Variants in GALNTL6 observed in about 807,000 individuals in gnomAD.
GALNTL6 encodes polypeptide N-acetylgalactosaminyltransferase like 6.
GALNTL6 carries 46 observed loss-of-function variants against 73.7 expected under a neutral mutation model. That is an observed-to-expected ratio of 0.62 (90% CI 0.49 to 0.80). GALNTL6 has a LOEUF of 0.80. Among genes scored for constraint, GALNTL6 ranks in the 30% least tolerant of loss-of-function variants. GALNTL6 has a pLI of 0.00. For synonymous variants in GALNTL6, 259 were observed against 263.7 expected, an observed-to-expected ratio of 0.98 and a Z score of 0.17; for missense variants, 604 against 755.0, an observed-to-expected ratio of 0.80 and a Z score of 2.34.
chr4:172,696,200 A>T (rs1444051404), intron 5 of GALNTL6, among the ~76,000 whole-genome samples: 1 of 152,134 alleles, frequency 6.6e-6, no homozygotes, highest in African/African-American at 2.4e-5. Flanking sequence ...CTATAGTGCA[A>T]GACTTGATCC....
At chr4:172,182,500 T>G (rs1256409965) in intron 2 of GALNTL6, among the ~76,000 whole-genome samples, 1 of 140,084 alleles carries the variant, frequency 7.1e-6, no homozygotes, top group Non-Finnish European at 1.5e-5. Flanking sequence ...TATATTTAAA[T>G]AAATATTTTA....
chr4:172,758,483 C>T (rs1737881420), intron 5 of GALNTL6, among the ~76,000 whole-genome samples: 1 of 152,178 alleles, frequency 6.6e-6, no homozygotes, highest in Non-Finnish European at 1.5e-5. Flanking sequence ...TTTCAGTGAT[C>T]AGAGATCACG....
chr4:171,924,483 T>A (rs768391114), intron 2 of GALNTL6, among the ~76,000 whole-genome samples: 10 of 152,144 alleles, frequency 6.6e-5, no homozygotes, highest in Non-Finnish European at 1.3e-4. Flanking sequence ...GATGGACTAT[T>A]TAGAGTATTT....
At chr4:172,778,953 T>C (rs113101107) in intron 5 of GALNTL6, among the ~76,000 whole-genome samples, 2 of 146,580 alleles carry the variant, frequency 1.4e-5, no homozygotes, top group Admixed American at 6.8e-5. Flanking sequence ...GCTGCTTTTC[T>C]TTTTTACTAC....
chr4:172,722,849 A>G (rs1290206262), intron 5 of GALNTL6, among the ~76,000 whole-genome samples: 1 of 152,190 alleles, frequency 6.6e-6, no homozygotes. Context: ...CAGTTTCTGC[A>G]TAAGTTTTCT....
chr4:172,951,826 A>G (rs1287516052), intron 9 of GALNTL6, among the ~76,000 whole-genome samples: 2 of 152,248 alleles, frequency 1.3e-5, no homozygotes, highest in African/African-American at 4.8e-5. Flanking sequence ...ATTGAACCCC[A>G]TGCCAGAAGT....
At chr4:171,978,328 G>A (rs1260204310) in intron 2 of GALNTL6, among the ~76,000 whole-genome samples, 3 of 152,142 alleles carry the variant, frequency 2.0e-5, no homozygotes, top group Non-Finnish European at 4.4e-5. Context: ...AGTAAATTCT[G>A]TGATGTTCTC....
At chr4:172,687,657 T>G (rs1055221460) in intron 5 of GALNTL6, among the ~76,000 whole-genome samples, 1 of 151,412 alleles carries the variant, frequency 6.6e-6, no homozygotes, top group African/African-American at 2.4e-5. Flanking sequence ...TTCTTGAAGC[T>G]ACTGAACCTT....
chr4:172,036,594 A>C (rs1258515900), intron 2 of GALNTL6, among the ~76,000 whole-genome samples: 1 of 152,138 alleles, frequency 6.6e-6, no homozygotes, highest in Non-Finnish European at 1.5e-5. Flanking sequence ...TATTAGTTCA[A>C]TTAATTTCAG....
At chr4:172,487,856 C>G (rs921175775) in intron 5 of GALNTL6, among the ~76,000 whole-genome samples, 14 of 152,128 alleles carry the variant, frequency 9.2e-5, no homozygotes, top group Non-Finnish European at 1.3e-4. Context: ...TGTCTCAACC[C>G]TACATGATCA....
intron 2 of GALNTL6, among the ~76,000 whole-genome samples, chr4:171,823,352 C>A (rs1734733753): frequency 6.6e-6 from 1 of 151,870 alleles, no homozygotes; most frequent in Non-Finnish European, 1.5e-5. Context: ...AGGGGACAGT[C>A]CCAAGGAGAA....
chr4:172,898,733 A>T (rs1053233902), intron 8 of GALNTL6, among the ~76,000 whole-genome samples: 5 of 152,246 alleles, frequency 3.3e-5, no homozygotes. Context: ...TTAAACTGTA[A>T]CAGCTATATT....
intron 5 of GALNTL6, among the ~76,000 whole-genome samples, chr4:172,384,419 T>A (rs1288145537): frequency 6.6e-6 from 1 of 151,870 alleles, no homozygotes; most frequent in Non-Finnish European, 1.5e-5. Context: ...CCCTCTTAAT[T>A]TTTTTTTAAA....
chr4:172,691,069 G>A (rs1733253586), intron 5 of GALNTL6, among the ~76,000 whole-genome samples: 1 of 152,186 alleles, frequency 6.6e-6, no homozygotes, highest in South Asian at 2.1e-4. Flanking sequence ...TCAGGAACTG[G>A]AAGATCAGTG....
At chr4:172,110,727 G>T (rs924921326) in intron 2 of GALNTL6, among the ~76,000 whole-genome samples, 1 of 152,060 alleles carries the variant, frequency 6.6e-6, no homozygotes, top group African/African-American at 2.4e-5. Context: ...CACATGTTTT[G>T]CTGATTGCTG....
intron 2 of GALNTL6, among the ~76,000 whole-genome samples, chr4:171,832,325 A>T (rs1462652210): frequency 2.0e-5 from 3 of 151,360 alleles, no homozygotes; most frequent in Non-Finnish European, 4.4e-5. Flanking sequence ...CAAACTTTAA[A>T]TTGGGCAGGA....
chr4:172,183,795 T>A (rs1735332950), intron 2 of GALNTL6, among the ~76,000 whole-genome samples: 1 of 34,418 alleles, frequency 2.9e-5, no homozygotes, highest in East Asian at 5.0e-3. Flanking sequence ...TGTTGAAGAC[T>A]TTTTTTTTTT....
At chr4:171,999,832 C>A (rs534403133) in intron 2 of GALNTL6, among the ~76,000 whole-genome samples, 69 of 152,126 alleles carry the variant, frequency 4.5e-4, no homozygotes, top group Non-Finnish European at 9.4e-4. Flanking sequence ...TACTTTGAAG[C>A]AAAAAGGTGC....
chr4:172,691,366 A>G (rs1234253878), intron 5 of GALNTL6, among the ~76,000 whole-genome samples: 1 of 152,216 alleles, frequency 6.6e-6, no homozygotes, highest in African/African-American at 2.4e-5. Flanking sequence ...AGAAAGCAGT[A>G]CACCTAATGA....
Sources: allele counts gnomAD v4.1 joint callset (sites outside exome capture counted in the v4.1 genomes callset), GRCh38; gene constraint gnomAD v4.1.1; transcripts MANE v1.5; gene names NCBI Gene and HGNC (gene_info 2026-07-23, HGNC 2026-07-21).